Variants in SYT2 observed in about 807,000 individuals in gnomAD.
The protein encoded by SYT2 is synaptotagmin-2.
A neutral mutation model predicts 39.9 loss-of-function variants in SYT2; 15 were observed. The observed-to-expected ratio is 0.38, with a 90% CI of 0.25 to 0.58. The LOEUF is 0.58. Ranked by LOEUF, SYT2 falls within the 20% of genes least tolerant of loss-of-function variation. The pLI is 0.70. For missense variants in SYT2, 389 were observed against 530.3 expected (o/e 0.73, Z 2.62); for synonymous variants, 181 against 204.5 (o/e 0.89, Z 0.98).
chr1:202,674,849 C>A (rs528585141), intron 1 of SYT2, among the ~76,000 whole-genome samples: 1 of 152,200 alleles, frequency 6.6e-6, no homozygotes, highest in African/African-American at 2.4e-5. Flanking sequence ...CTCAGACTGG[C>A]CGGCCCCCTC....
At chr1:202,673,549 G>A (rs746207309) in intron 1 of SYT2, among the ~76,000 whole-genome samples, 3 of 152,134 alleles carry the variant, frequency 2.0e-5, no homozygotes, top group Admixed American at 6.5e-5. Context: ...CACGAAGATC[G>A]ATGCTCACCC....
chr1:202,653,246 T>C (rs1692223778), intron 1 of SYT2, among the ~76,000 whole-genome samples: 1 of 152,092 alleles, frequency 6.6e-6, no homozygotes, highest in South Asian at 2.1e-4. Context: ...GTCCAGCCCA[T>C]CTGCATCCTC....
At chr1:202,602,573 C>G (rs1268019642) in intron 4 of SYT2, 28 bp from the exon 5 acceptor site, 2 of 1,599,606 alleles carry the variant, frequency 1.3e-6, no homozygotes, top group South Asian at 2.2e-5. Flanking sequence ...GAGAAGGGGC[C>G]TGAGTCTCAG....
intron 1 of SYT2, among the ~76,000 whole-genome samples, chr1:202,686,980 T>A (rs1558461729): frequency 6.6e-6 from 1 of 152,010 alleles, no homozygotes; most frequent in Non-Finnish European, 1.5e-5. Context: ...ACCTGACAGC[T>A]CCCCATGCTG....
intron 1 of SYT2, among the ~76,000 whole-genome samples, chr1:202,616,098 C>T (rs774710208): frequency 5.9e-5 from 9 of 152,162 alleles, no homozygotes; most frequent in South Asian, 4.1e-4. Flanking sequence ...CTGCAGGAAA[C>T]GCCTCCCCAC....
chr1:202,640,798 C>CAGACAGACAGAG (rs1558444027), intron 1 of SYT2, among the ~76,000 whole-genome samples: 4 of 93,688 alleles, frequency 4.3e-5, no homozygotes, highest in Non-Finnish European at 9.2e-5. Flanking sequence ...GAGAGACAGA[C>CAGACAGACAGAG]AGACAGAGAG....
Position 202,599,116 on chromosome 1 carries a change from G to C in SYT2, c.1053+102C>G, listed in dbSNP as rs746653993. ...CTCGAGCCTTCCCCTACCAAGAAAGGCTGTTCCATGGTCTCTAGGTGAGTT... is the reference window on the plus strand; with the variant it reads ...CTCGAGCCTTCCCCTACCAAGAAAGCCTGTTCCATGGTCTCTAGGTGAGTT... On this transcript the variant is annotated intron_variant, in intron 8 of 8. Transcript: ENST00000367268. The surrounding 1 kb of genome is among the most constrained non-coding windows in gnomAD (Gnocchi z 4.4). 6.7e-6 allele frequency: 10 copies of C among 1,487,036 alleles called. No homozygotes were observed. The highest frequency in any genetic ancestry group is 2.3e-4 in the Middle Eastern group (1 of 4,374). 92.1% of individuals were successfully genotyped at this position (1,487,036 alleles called of 1,614,324 possible). A position where few individuals can be genotyped will look rare whatever the true frequency, so the allele number is the denominator to read the frequency against.
chr1:202,634,539 G>T (rs1412346101), intron 1 of SYT2, among the ~76,000 whole-genome samples: 2 of 151,516 alleles, frequency 1.3e-5, no homozygotes, highest in African/African-American at 4.8e-5. Flanking sequence ...GCATATACCC[G>T]AGAGAAATGA....
rs1690966030 is a variant in SYT2, at chr1:202,614,255, G to T, written c.-17-8466C>A. Among the ~76,000 whole-genome samples the T allele has an allele frequency of 6.6e-6, 1 of 152,242 alleles. No homozygotes were observed. The highest frequency in any genetic ancestry group is 2.4e-5 in the African/African-American group (1 of 41,460). Reference sequence around the variant, plus strand: ...AGGGGGAGAACTGCATCTCAGGAGTGTTGGAGTCCCAGAAAAGGAGATTAG... The same window carrying T: ...AGGGGGAGAACTGCATCTCAGGAGTTTTGGAGTCCCAGAAAAGGAGATTAG... On this transcript the variant is annotated intron_variant, in intron 1 of 8. Coordinates refer to ENST00000367268, the MANE Select transcript of SYT2 (RefSeq NM_177402.5). The surrounding 1 kb of genome is among the most constrained non-coding windows in gnomAD (Gnocchi z 4.0).
chr1:202,597,644 ACTCCTGACGACT>A (rs928605083), intron 8 of SYT2, among the ~76,000 whole-genome samples: 1 of 151,946 alleles, frequency 6.6e-6, no homozygotes, highest in Non-Finnish European at 1.5e-5. Context: ...GCAGTAGGGG[ACTCCTGACGACT>A]TTAAGAAAAG....
chr1:202,644,896 T>G (rs1409170647), intron 1 of SYT2, among the ~76,000 whole-genome samples: 1 of 152,186 alleles, frequency 6.6e-6, no homozygotes, highest in Non-Finnish European at 1.5e-5. Context: ...ACTGAAGTGC[T>G]GCAGCACCCG....
intron 1 of SYT2, among the ~76,000 whole-genome samples, chr1:202,702,906 A>G (rs1347828890): frequency 1.3e-5 from 2 of 152,162 alleles, no homozygotes; most frequent in Non-Finnish European, 2.9e-5. Context: ...GCCCCTCTCC[A>G]GGCCCCCCTC....
rs543545457 is a variant in SYT2 at position 202,687,354 on chromosome 1, C to G, written c.-18+22904G>C. Among the ~76,000 whole-genome samples, 3 of 152,296 alleles carry G rather than the reference C, an allele frequency of 2.0e-5. No individual in the cohort carries two copies. In the East Asian group the frequency reaches 5.8e-4, roughly 29 times the overall value. ...ATCCCTGTGACAGGTTTGTGCTGCTCTCTCCTGACATTGTCTTCATCTCTA... is the reference window on the plus strand; with the variant it reads ...ATCCCTGTGACAGGTTTGTGCTGCTGTCTCCTGACATTGTCTTCATCTCTA... On this transcript the variant is annotated intron_variant, in intron 1 of 8. Transcript: ENST00000367268.
At chr1:202,624,770 TGTG>T (rs1691321597) in intron 1 of SYT2, among the ~76,000 whole-genome samples, 1 of 139,346 alleles carries the variant, frequency 7.2e-6, no homozygotes, top group Non-Finnish European at 1.5e-5. Context: ...GTGTGTGGTG[TGTG>T]GTGTGTGTGT....
intron 8 of SYT2, among the ~76,000 whole-genome samples, chr1:202,598,932 C>A (rs1472041031): frequency 6.6e-6 from 1 of 152,184 alleles, no homozygotes; most frequent in Non-Finnish European, 1.5e-5. Context: ...CCTCTGGCAC[C>A]TTTGCTATAC....
chr1:202,698,114 C>CG (rs1654020498), intron 1 of SYT2, among the ~76,000 whole-genome samples: 1 of 151,084 alleles, frequency 6.6e-6, no homozygotes, highest in East Asian at 2.1e-4. Flanking sequence ...GTCTCACCAC[C>CG]CCCCCAAGGA....
At chr1:202,612,216 G>T (rs1304505221) in intron 1 of SYT2, among the ~76,000 whole-genome samples, 1 of 151,810 alleles carries the variant, frequency 6.6e-6, no homozygotes, top group Non-Finnish European at 1.5e-5. Flanking sequence ...CAAATATGAG[G>T]GTTTATTTCT....
Position 202,596,634 on chromosome 1 carries a change from A to G in SYT2, c.*123T>C. ...TAAAAAGAGAAAAACAAGGAAAAAC[A>G]AGGACACAACCACCCAACAAATGAA... On this transcript the variant is annotated 3_prime_UTR_variant, in exon 9 of 9. Coordinates refer to ENST00000367268, the MANE Select transcript of SYT2 (RefSeq NM_177402.5). 1.0e-6 allele frequency: 1 copy of G among 958,608 alleles called. No individual in the cohort carries two copies. The highest frequency in any genetic ancestry group is 1.5e-6 in the Non-Finnish European group (1 of 655,594). 59.4% of individuals were successfully genotyped at this position (958,608 alleles called of 1,614,324 possible).
Position 202,602,040 on chromosome 1 carries a change from A to G in SYT2, c.651T>C (p.Leu217=). The part of the protein sequence containing the change: ...TFTFKVPYQE[L]GGKTLVMAIY... ...TGGCCATCACCAGAGTTTTGCCCCC[A>G]AGCTCCTGGTATGGCACCTGCAGGG... The change falls in exon 6 of 9, where the codon CTT becomes CTC. Residue 217 remains leucine, a synonymous_variant. Coordinates refer to ENST00000367268, the MANE Select transcript of SYT2 (RefSeq NM_177402.5). 1 of 1,614,140 alleles carries G rather than the reference A, an allele frequency of 6.2e-7. No individual in the cohort carries two copies. The highest frequency in any genetic ancestry group is 8.5e-7 in the Non-Finnish European group (1 of 1,180,016).
Sources: allele counts gnomAD v4.1 joint callset (sites outside exome capture counted in the v4.1 genomes callset), GRCh38; gene constraint gnomAD v4.1.1; non-coding constraint Gnocchi (gnomAD v3.1); transcripts MANE v1.5; gene names NCBI Gene and HGNC (gene_info 2026-07-23, HGNC 2026-07-21).